Variants in ANK2 observed in about 807,000 individuals in gnomAD.
ANK2 encodes the protein ankyrin-2.
ANK2 carries 83 observed loss-of-function variants against 360.5 expected under a neutral mutation model. The observed-to-expected ratio is 0.23, with a 90% CI of 0.19 to 0.28. ANK2 has a LOEUF of 0.28. Among genes scored for constraint, ANK2 ranks in the 10% least tolerant of loss-of-function variants. The pLI is 1.00. For synonymous variants in ANK2, 1,740 were observed against 1,759.5 expected (o/e 0.99, Z 0.28); for missense variants, 4,201 against 4,795.7 (o/e 0.88, Z 3.66).
intron 4 of ANK2, among the ~76,000 whole-genome samples, chr4:113,228,337 T>TTTTTCC (rs2099250180): frequency 6.6e-6 from 1 of 152,112 alleles, no homozygotes; most frequent in African/African-American, 2.4e-5. Flanking sequence ...CTCAGCTCCC[T>TTTTTCC]CCCACCCTTT....
chr4:113,176,941 C>A (rs958826058), intron 2 of ANK2, among the ~76,000 whole-genome samples: 1 of 152,132 alleles, frequency 6.6e-6, no homozygotes, highest in African/African-American at 2.4e-5. Flanking sequence ...TCATCCGTGT[C>A]CCTACAAAGG....
At chr4:112,936,005 A>G (rs2093685966) in intron 2 of ANK2, among the ~76,000 whole-genome samples, 1 of 152,210 alleles carries the variant, frequency 6.6e-6, no homozygotes, top group South Asian at 2.1e-4. Context: ...AAAATAAAGA[A>G]AGCTAATCTT....
the ANK2 span, among the ~76,000 whole-genome samples, chr4:112,773,956 A>T: frequency 6.6e-6 from 1 of 151,938 alleles, no homozygotes; most frequent in Non-Finnish European, 1.5e-5. Flanking sequence ...GCCAGCCACC[A>T]TGCCCAGCTA....
At chr4:113,363,053 T>C (rs1233332872) in intron 39 of ANK2, among the ~76,000 whole-genome samples, 1 of 152,194 alleles carries the variant, frequency 6.6e-6, no homozygotes, top group Non-Finnish European at 1.5e-5. Context: ...CATTTGCATT[T>C]TGGAATCAAA....
At chr4:112,853,252 A>G (rs1179145087) in intron 1 of ANK2, among the ~76,000 whole-genome samples, 2 of 152,058 alleles carry the variant, frequency 1.3e-5, no homozygotes, top group African/African-American at 4.8e-5. Context: ...TATTTTTAGT[A>G]GAGATGGGGT....
chr4:113,368,050 A>G (rs1410253850), intron 42 of ANK2, among the ~76,000 whole-genome samples, 199 bp downstream of exon 42: 2 of 152,222 alleles, frequency 1.3e-5, no homozygotes, highest in East Asian at 1.9e-4. Context: ...GCACAGACCT[A>G]CAAGAACCAA....
At position 112,861,869 on chromosome 4, in the gene ANK2, A is replaced by AGAGAGAGAG. The variant is rs773734914; in HGVS notation, c.-39-42586_-39-42585insGAGAGAGAG. Among the ~76,000 whole-genome samples the AGAGAGAGAG allele has an allele frequency of 5.8e-3, 402 of 69,220 alleles. 5 individuals carry two copies. Among genetic ancestry groups the AGAGAGAGAG allele is most frequent in the Middle Eastern group, 0.022 (3 of 136 alleles). 45.4% of individuals were successfully genotyped at this position (69,220 alleles called of 152,430 possible). On this transcript the variant is annotated intron_variant, in intron 1 of 30. Coordinates refer to the ANK2 transcript ENST00000503271. Reference sequence around the variant, plus strand: ...AGAGAGAGAGAGAGAGAGAGAGAGAAACTCTCACAGTTTATGCGAGAGTCA... The same window carrying AGAGAGAGAG: ...AGAGAGAGAGAGAGAGAGAGAGAGAAGAGAGAGAGACTCTCACAGTTTATGCGAGAGTCA...
Position 113,274,461 on chromosome 4 carries a change from A to G in ANK2, c.1495A>G (p.Thr499Ala). ...LVDARAREEQ[T>A]PLHIASRLGK... Reference sequence around the variant, plus strand: ...TTGGCTTGAGTTGTAGGAGGAACAGACACCTTTACATATTGCCTCCCGCCT... The same window carrying G: ...TTGGCTTGAGTTGTAGGAGGAACAGGCACCTTTACATATTGCCTCCCGCCT... Residue 499 changes from threonine to alanine, a missense_variant, in exon 15 of 46, where the codon ACA becomes GCA. By Grantham distance (58) the Thr-to-Ala change is moderately conservative. Coordinates refer to ENST00000357077, the MANE Select transcript of ANK2 (RefSeq NM_001148.6). 6.2e-7 allele frequency: 1 copy of G among 1,614,206 alleles called. No individual in the cohort carries two copies. Among genetic ancestry groups the G allele is most frequent in the Non-Finnish European group, 8.5e-7 (1 of 1,180,030 alleles).
chr4:113,174,444 C>A lies in ANK2; in HGVS notation c.113C>A (p.Ala38Asp). ...GACAGCAATGCAAGCTTCCTCCGTG[C>A]TGCCAGAGCAGGCAACCTGGACAAA... ...KSDSNASFLR[A>D]ARAGNLDKVV... Residue 38 changes from alanine (A) to aspartate (D), a missense_variant, in exon 2 of 46, where the codon GCT (alanine) becomes GAT (aspartate). Physicochemically the swap from Ala to Asp is moderately radical, Grantham distance 126. Transcript: ENST00000357077. 6.2e-7 allele frequency: 1 copy of A among 1,613,108 alleles called. No homozygotes were observed. The highest frequency in any genetic ancestry group is 1.3e-5 in the African/African-American group (1 of 75,024).
chr4:112,875,921 CTTTTTTTTTTTT>C (rs553724643), intron 1 of ANK2, among the ~76,000 whole-genome samples: 17 of 134,418 alleles, frequency 1.3e-4, no homozygotes, highest in Non-Finnish European at 2.3e-4. Context: ...TTTCTTTTTT[CTTTTTTTTTTTT>C]TTTTAGAGAC....
intron 2 of ANK2, among the ~76,000 whole-genome samples, chr4:113,027,430 T>A (rs1254050129): frequency 1.3e-5 from 2 of 151,846 alleles, no homozygotes; most frequent in Non-Finnish European, 2.9e-5. Flanking sequence ...GAGCCAAGAG[T>A]GTTCTGTGAT....
chr4:113,315,544 T>C lies in ANK2; in HGVS notation c.2694-2163T>C, dbSNP rs2082273618. Among the ~76,000 whole-genome samples, 3 of 152,162 alleles carry C rather than the reference T, an allele frequency of 2.0e-5. No individual in the cohort carries two copies. The South Asian group carries it at 6.2e-4, about 32-fold the overall frequency. On this transcript the variant is annotated intron_variant, in intron 24 of 45. Coordinates refer to ENST00000357077, the MANE Select transcript of ANK2 (RefSeq NM_001148.6). The stretch of plus-strand genomic sequence containing the variant: ...ATTAGAAACAGAAGAGGTTGGCTCC[T>C]CTACTATTTTCCCTTCCTTAGCCAA...
intron 2 of ANK2, among the ~76,000 whole-genome samples, chr4:113,185,159 T>A (rs571553796): frequency 3.3e-5 from 5 of 152,358 alleles, no homozygotes; most frequent in South Asian, 4.1e-4. Context: ...AGTGCTGCAA[T>A]GAACACACAT....
At chr4:112,784,965 G>A in the ANK2 span, among the ~76,000 whole-genome samples, 1 of 152,178 alleles carries the variant, frequency 6.6e-6, no homozygotes, top group Admixed American at 6.5e-5. Flanking sequence ...GCTGGAAAAT[G>A]TTTACTCAGT....
intron 26 of ANK2, 29 bp from the exon 27 acceptor site, chr4:113,330,217 C>T: frequency 1.3e-6 from 2 of 1,595,024 alleles, no homozygotes; most frequent in South Asian, 2.2e-5. Flanking sequence ...TATTTCAAAA[C>T]ATATCTAATC....
the ANK2 span, among the ~76,000 whole-genome samples, chr4:112,783,936 A>G: frequency 6.6e-6 from 1 of 152,116 alleles, no homozygotes; most frequent in African/African-American, 2.4e-5. Flanking sequence ...GGCGTGAGCC[A>G]CCGCGCCTGG....
intron 2 of ANK2, among the ~76,000 whole-genome samples, chr4:113,021,541 C>CATATATATATATATATATATAT (rs57817594): frequency 1.0e-5 from 1 of 95,572 alleles, no homozygotes; most frequent in Non-Finnish European, 2.3e-5. Flanking sequence ...CACACACAAA[C>CATATATATATATATATATATAT]ATATATATAT....
intron 1 of ANK2, among the ~76,000 whole-genome samples, chr4:113,154,326 A>C (rs1306130604): frequency 6.6e-6 from 1 of 152,232 alleles, no homozygotes; most frequent in Admixed American, 6.5e-5. Flanking sequence ...CTGGAAATCC[A>C]AGGAGTAAGG....
At chr4:113,050,006 C>A (rs559645723) in intron 1 of ANK2, among the ~76,000 whole-genome samples, 194 bp downstream of exon 1, 1 of 152,264 alleles carries the variant, frequency 6.6e-6, no homozygotes, top group East Asian at 1.9e-4. Context: ...AGCCATGGCT[C>A]ATAATGGATA....
Sources: allele counts gnomAD v4.1 joint callset (sites outside exome capture counted in the v4.1 genomes callset), GRCh38; gene constraint gnomAD v4.1.1; transcripts MANE v1.5; gene names NCBI Gene and HGNC (gene_info 2026-07-23, HGNC 2026-07-21).